Variants in RPAP2 observed in about 807,000 individuals in gnomAD.
The protein encoded by RPAP2 is RNA polymerase II associated protein 2.
RPAP2 carries 52 observed loss-of-function variants against 73.1 expected under a neutral mutation model. That is an observed-to-expected ratio of 0.71 (90% confidence interval 0.57 to 0.90). The LOEUF (loss-of-function observed/expected upper bound fraction) is 0.90. RPAP2 is among the 40% of genes least tolerant of loss of function. The probability of loss-of-function intolerance (pLI) is 0.00; values close to 1 mark genes in which losing one functional copy is unlikely to be tolerated. For missense variants in RPAP2, 598 were observed against 701.8 expected, an observed-to-expected ratio of 0.85 and a Z score of 1.67; for synonymous variants, 225 against 242.1, an observed-to-expected ratio of 0.93 and a Z score of 0.65.
intron 8 of RPAP2, among the ~76,000 whole-genome samples, chr1:92,329,056 C>T (rs1403872333): frequency 1.3e-5 from 2 of 152,152 alleles, no homozygotes; most frequent in Non-Finnish European, 2.9e-5. Flanking sequence ...GTGAAGTGGA[C>T]TCTGTGAGGG....
At chr1:92,355,792 A>C (rs1204282004) in intron 11 of RPAP2, among the ~76,000 whole-genome samples, 1 of 152,158 alleles carries the variant, frequency 6.6e-6, no homozygotes, top group African/African-American at 2.4e-5. Context: ...CAGATTTTGG[A>C]TTTTTGGATT....
chr1:92,305,616 A>G lies in RPAP2; in HGVS notation c.399+1267A>G, dbSNP rs564579420. Among the ~76,000 whole-genome samples, 43 of 152,082 alleles carry G rather than the reference A, an allele frequency of 2.8e-4. No individual in the cohort carries two copies. The South Asian group carries it at 6.4e-3, about 23-fold the overall frequency. The stretch of plus-strand genomic sequence containing the variant: ...AATGAAAAGAGAAGCCACAAAGCAG[A>G]ATGTTAACTGACCATAGAATCATAT... On this transcript the variant is annotated intron_variant, in intron 5 of 12. Transcript: ENST00000610020.
rs1655924129 is a variant in RPAP2, at chr1:92,387,936, A to C, written c.*925A>C. On this transcript the variant is annotated 3_prime_UTR_variant, in exon 13 of 13. Coordinates refer to ENST00000610020, the MANE Select transcript of RPAP2 (RefSeq NM_024813.3). ...TATGGGAAAGGACTGCAAAAACTAA[A>C]TTTTATCTCTGTATGGGCAAAGGCT... 6.6e-6 allele frequency: 1 copy of C among 152,126 alleles called. No individual in the cohort carries two copies. The highest frequency in any genetic ancestry group is 6.5e-5 in the Admixed American group (1 of 15,274). The allele number at this position is 152,126 out of a possible 1,614,324, so 9.4% of individuals were successfully genotyped here. A position where few individuals can be genotyped will look rare whatever the true frequency, so the allele number is the denominator to read the frequency against.
intron 12 of RPAP2, among the ~76,000 whole-genome samples, chr1:92,383,960 A>AAAC (rs1396401722): frequency 1.1e-5 from 1 of 90,782 alleles, no homozygotes; most frequent in African/African-American, 4.4e-5. Context: ...AATTTTTATA[A>AAAC]AACAATCTTT....
intron 8 of RPAP2, among the ~76,000 whole-genome samples, chr1:92,331,450 A>G (rs1395561985): frequency 2.6e-5 from 4 of 152,102 alleles, no homozygotes; most frequent in Non-Finnish European, 4.4e-5. Context: ...TTGAATCATT[A>G]TTCCATTTTT....
chr1:92,372,881 C>T (rs985642736), intron 11 of RPAP2, among the ~76,000 whole-genome samples: 21 of 152,198 alleles, frequency 1.4e-4, no homozygotes, highest in Admixed American at 1.2e-3. Flanking sequence ...CACCACTGCA[C>T]TACAGCCAGA....
chr1:92,336,683 A>C (rs964533091), intron 10 of RPAP2, among the ~76,000 whole-genome samples: 1 of 152,192 alleles, frequency 6.6e-6, no homozygotes, highest in Non-Finnish European at 1.5e-5. Flanking sequence ...AAGGAAAATT[A>C]TATCTATGAT....
At chr1:92,300,022 A>G (rs1232450927) in intron 1 of RPAP2, among the ~76,000 whole-genome samples, 172 bp from the exon 2 acceptor site, 4 of 152,260 alleles carry the variant, frequency 2.6e-5, no homozygotes, top group Non-Finnish European at 4.4e-5. Context: ...CTCCCAGGCT[A>G]CAAACCTGCA....
intron 6 of RPAP2, 152 bp downstream of exon 6, chr1:92,307,428 A>G (rs962763294): frequency 8.9e-6 from 5 of 561,424 alleles, no homozygotes; most frequent in Non-Finnish European, 1.5e-5. Context: ...AAGCATAGCT[A>G]TTAAGGATTT....
chr1:92,310,928 C>CTTTTTTTTTTTTTTTTTTTTTTTTTTTTT (rs1324806146), intron 6 of RPAP2, among the ~76,000 whole-genome samples: 1 of 152,176 alleles, frequency 6.6e-6, no homozygotes, highest in African/African-American at 2.4e-5. Flanking sequence ...GATTAGATAT[C>CTTTTTTTTTTTTTTTTTTTTTTTTTTTTT]TTATTGAAAT....
chr1:92,345,287 G>C (rs1166381279), intron 10 of RPAP2, among the ~76,000 whole-genome samples: 1 of 150,172 alleles, frequency 6.7e-6, no homozygotes, highest in African/African-American at 2.5e-5. Flanking sequence ...GATCTCTTGA[G>C]CCCAGGAATT....
At chr1:92,338,640 G>A (rs1042294151) in intron 10 of RPAP2, among the ~76,000 whole-genome samples, 2 of 137,840 alleles carry the variant, frequency 1.5e-5, no homozygotes, top group Non-Finnish European at 3.1e-5. Flanking sequence ...GGCAGAGGCT[G>A]ATCATTGATT....
chr1:92,300,343 T>C, intron 2 of RPAP2, 104 bp downstream of exon 2: 1 of 870,810 alleles, frequency 1.1e-6, no homozygotes, highest in South Asian at 1.6e-5. Context: ...TTAGAGAAAA[T>C]TATCATGAGA....
At chr1:92,306,785 G>A (rs11585255) in intron 5 of RPAP2, among the ~76,000 whole-genome samples, 39,523 of 152,048 alleles carry the variant, frequency 0.26, 6,525 homozygotes, top group Non-Finnish European at 0.35. Context: ...GCTACAGTGA[G>A]TGAGACCCTG....
intron 6 of RPAP2, among the ~76,000 whole-genome samples, chr1:92,314,986 A>G (rs1031933428): frequency 1.3e-5 from 2 of 152,216 alleles, no homozygotes; most frequent in African/African-American, 4.8e-5. Flanking sequence ...CAGAGGTTGC[A>G]GTGAACCGAG....
chr1:92,386,767 C>G (rs1466357827), intron 12 of RPAP2, among the ~76,000 whole-genome samples: 37 of 152,118 alleles, frequency 2.4e-4, no homozygotes, highest in Admixed American at 2.4e-3. Flanking sequence ...ATGGTGCAAT[C>G]TTGGCTCACT....
intron 6 of RPAP2, among the ~76,000 whole-genome samples, chr1:92,315,716 C>T (rs1476726484): frequency 6.6e-6 from 1 of 152,132 alleles, no homozygotes; most frequent in Non-Finnish European, 1.5e-5. Context: ...ATTCTACCTC[C>T]ATACTTTTAT....
intron 12 of RPAP2, among the ~76,000 whole-genome samples, chr1:92,384,916 A>G (rs945439073): frequency 6.6e-6 from 1 of 152,122 alleles, no homozygotes; most frequent in African/African-American, 2.4e-5. Flanking sequence ...TTGGGAGGCC[A>G]AGGTGGGAGG....
chr1:92,381,166 C>T (rs1655613223), intron 12 of RPAP2, among the ~76,000 whole-genome samples: 2 of 152,144 alleles, frequency 1.3e-5, no homozygotes, highest in Non-Finnish European at 2.9e-5. Flanking sequence ...GGCTATCCCA[C>T]ATGTCCCATC....
Sources: gnomAD v4.1 joint callset for allele counts (sites outside exome capture counted in the v4.1 genomes callset) on GRCh38, gnomAD v4.1.1 for gene constraint, MANE v1.5 for transcripts, NCBI Gene and HGNC (gene_info 2026-07-23, HGNC 2026-07-21) for gene names.